The following ANK2 variants were observed in gnomAD, a reference collection of about 807,000 sequenced individuals.
The protein encoded by ANK2 is ankyrin-2.
In ANK2, 83 loss-of-function variants were observed where a neutral mutation model predicts 360.5. The ratio of observed to expected loss-of-function variants is 0.23; its 90% CI spans 0.19 to 0.28. ANK2 has a LOEUF of 0.28. Ranked by LOEUF, ANK2 falls within the 10% of genes least tolerant of loss-of-function variation. The pLI is 1.00. For missense variants in ANK2, 4,201 were observed against 4,795.7 expected (o/e 0.88, Z 3.66); for synonymous variants, 1,740 against 1,759.5 (o/e 0.99, Z 0.28).
In ANK2 at chr4:112,823,340, C is replaced by T. The variant is rs534032206; in HGVS notation, c.-40+5076C>T. ...CAAAAAGAATAATTGGGACACTGTTCTAAACAGCCAACACTGTCTAGCTCA... is the reference window on the plus strand; with the variant it reads ...CAAAAAGAATAATTGGGACACTGTTTTAAACAGCCAACACTGTCTAGCTCA... On this transcript the variant is annotated intron_variant, in intron 1 of 30. Coordinates refer to the ANK2 transcript ENST00000503271. Among the ~76,000 whole-genome samples, 85 of 152,260 alleles carry T rather than the reference C, an allele frequency of 5.6e-4. 1 individual carries two copies. Among genetic ancestry groups the T allele is most frequent in the African/African-American group, 1.9e-3 (79 of 41,538 alleles).
At chr4:113,188,772 T>C (rs939624782) in intron 2 of ANK2, among the ~76,000 whole-genome samples, 1 of 152,172 alleles carries the variant, frequency 6.6e-6, no homozygotes, top group African/African-American at 2.4e-5. Flanking sequence ...TTTCCCCTTG[T>C]ATGTGTTAAT....
At chr4:113,060,526 A>G (rs551977509) in intron 1 of ANK2, among the ~76,000 whole-genome samples, 2 of 152,194 alleles carry the variant, frequency 1.3e-5, no homozygotes, top group Admixed American at 6.6e-5. Flanking sequence ...CACTCTGCTT[A>G]TCTCCAAACC....
chr4:112,783,616 TTA>T, the ANK2 span, among the ~76,000 whole-genome samples: 1 of 147,196 alleles, frequency 6.8e-6, no homozygotes, highest in African/African-American at 2.5e-5. Flanking sequence ...TGAAATCTAT[TTA>T]TGTTGATATA....
At chr4:113,045,345 T>A (rs2064015384), upstream of ANK2, among the ~76,000 whole-genome samples, 1 of 152,210 alleles carries the variant, frequency 6.6e-6, no homozygotes, top group Non-Finnish European at 1.5e-5. Flanking sequence ...TTCCTGGCAT[T>A]TTCCATCTTA....
chr4:113,287,208 A>G (rs985681146), intron 18 of ANK2, among the ~76,000 whole-genome samples: 5 of 152,200 alleles, frequency 3.3e-5, no homozygotes, highest in Non-Finnish European at 7.3e-5. Context: ...AATATAGATG[A>G]TTATTATGCT....
intron 1 of ANK2, among the ~76,000 whole-genome samples, chr4:113,122,055 A>G (rs1582221380): frequency 6.6e-6 from 1 of 152,338 alleles, no homozygotes; most frequent in East Asian, 1.9e-4. Context: ...AATGTATTCT[A>G]TAACTTTGGA....
At chr4:112,980,940 G>A (rs2042946607) in intron 2 of ANK2, among the ~76,000 whole-genome samples, 2 of 152,230 alleles carry the variant, frequency 1.3e-5, no homozygotes, top group Non-Finnish European at 2.9e-5. Flanking sequence ...TAACACATGA[G>A]GGCAGTAAGT....
chr4:113,151,175 A>G (rs2154395726), intron 1 of ANK2: 2 of 1,250,868 alleles, frequency 1.6e-6, no homozygotes, highest in South Asian at 2.6e-5. Context: ...GTTGGTAACT[A>G]AGAAGTTTTA....
chr4:113,312,614 C>G (rs2080688145), intron 24 of ANK2, among the ~76,000 whole-genome samples: 1 of 151,974 alleles, frequency 6.6e-6, no homozygotes, highest in Admixed American at 6.6e-5. Context: ...CCCTGAGGCT[C>G]TAGCTTCCTG....
chr4:113,136,149 G>C (rs1278215727), intron 1 of ANK2, among the ~76,000 whole-genome samples: 1 of 152,094 alleles, frequency 6.6e-6, no homozygotes, highest in Non-Finnish European at 1.5e-5. Flanking sequence ...CTATATAGGG[G>C]CACTATCAGG....
chr4:113,073,019 T>C (rs71604962), intron 1 of ANK2, among the ~76,000 whole-genome samples: 1 of 131,420 alleles, frequency 7.6e-6, no homozygotes, highest in East Asian at 2.6e-4. Flanking sequence ...TGGAGTACAG[T>C]GGTGCAATCT....
chr4:112,935,120 A>AGTGTGTGT (rs10601105), intron 2 of ANK2, among the ~76,000 whole-genome samples: 89 of 148,862 alleles, frequency 6.0e-4, no homozygotes, highest in African/African-American at 2.1e-3. Context: ...AGTCAGAGAA[A>AGTGTGTGT]GTGTGTGTGT....
intron 1 of ANK2, among the ~76,000 whole-genome samples, chr4:113,055,293 G>T (rs2069096510): frequency 6.6e-6 from 1 of 152,082 alleles, no homozygotes; most frequent in Non-Finnish European, 1.5e-5. Flanking sequence ...CCCAGCTACT[G>T]GGGACTGCTG....
chr4:113,127,051 TG>T (rs763080207), intron 1 of ANK2, among the ~76,000 whole-genome samples: 21 of 152,228 alleles, frequency 1.4e-4, no homozygotes, highest in Non-Finnish European at 2.2e-4. Flanking sequence ...ACTTTATTTT[TG>T]ATCAAGAAAT....
chr4:113,154,915 T>G (rs947043087), intron 1 of ANK2, among the ~76,000 whole-genome samples: 1 of 152,206 alleles, frequency 6.6e-6, no homozygotes, highest in African/African-American at 2.4e-5. Flanking sequence ...TGGACTGGGC[T>G]GCTTCCTGGC....
intron 4 of ANK2, among the ~76,000 whole-genome samples, chr4:113,221,534 C>T (rs2099151766): frequency 6.6e-6 from 1 of 151,964 alleles, no homozygotes; most frequent in African/African-American, 2.4e-5. Context: ...TGGCACAGGC[C>T]TGTAATCCCA....
chr4:112,826,658 T>C, intron 1 of ANK2: 1 of 995,754 alleles, frequency 1.0e-6, no homozygotes, highest in African/African-American at 1.7e-5. Flanking sequence ...TGACCACACT[T>C]ACACATTCCT....
the ANK2 span, among the ~76,000 whole-genome samples, chr4:112,726,867 A>C: frequency 6.6e-6 from 1 of 151,590 alleles, no homozygotes. Flanking sequence ...AAAAAAAAAA[A>C]AAAGAATTCT....
chr4:113,296,024 G>A (rs2071230516), intron 22 of ANK2, among the ~76,000 whole-genome samples: 1 of 144,690 alleles, frequency 6.9e-6, no homozygotes, highest in Non-Finnish European at 1.5e-5. Context: ...TATTGTTAAT[G>A]ATATTAAAAA....
Sources: gnomAD v4.1 joint callset for allele counts (sites outside exome capture counted in the v4.1 genomes callset) on GRCh38, gnomAD v4.1.1 for gene constraint, MANE v1.5 for transcripts, NCBI Gene and HGNC (gene_info 2026-07-23, HGNC 2026-07-21) for gene names.